The following BRAF variants were observed in gnomAD, a reference collection of about 807,000 sequenced individuals.
BRAF encodes the protein serine/threonine-protein kinase B-raf.
A neutral mutation model predicts 104.6 loss-of-function variants in BRAF; 16 were observed. That is an observed-to-expected ratio of 0.15 (90% CI 0.10 to 0.23). The LOEUF (loss-of-function observed/expected upper bound fraction) is 0.23. BRAF is among the 10% of genes least tolerant of loss of function. BRAF has a pLI of 1.00. For synonymous variants in BRAF, 310 were observed against 341.6 expected (o/e 0.91, Z 1.02); for missense variants, 541 against 937.3 (o/e 0.58, Z 5.52).
intron 19 of BRAF, chr7:140,734,335 G>T: frequency 7.6e-7 from 1 of 1,308,314 alleles, no homozygotes; most frequent in Non-Finnish European, 9.8e-7. Context: ...TACAAACCCG[G>T]AACAGAAAGT....
chr7:140,743,020 G>A lies in BRAF; in HGVS notation c.2113-3074C>T, dbSNP rs576451053. On this transcript the variant is annotated intron_variant, in intron 17 of 19. Transcript: ENST00000644969. Reference sequence around the variant, plus strand: ...GAGAAATGCAAATCAAAACCATAACGACATATCATCTCACACCAGTTAGAA... The same window carrying A: ...GAGAAATGCAAATCAAAACCATAACAACATATCATCTCACACCAGTTAGAA... 9.2e-5 allele frequency among the ~76,000 whole-genome samples: 14 copies of A among 152,308 alleles called. No individual in the cohort carries two copies. The East Asian group carries it at 1.2e-3, about 13-fold the overall frequency.
intron 8 of BRAF, among the ~76,000 whole-genome samples, chr7:140,791,794 T>C (rs1273410772): frequency 3.3e-5 from 5 of 152,200 alleles, no homozygotes; most frequent in Admixed American, 6.5e-5. Flanking sequence ...GCTAAGTATC[T>C]ATAAGCCAGA....
At chr7:140,817,515 G>T (rs779564023) in intron 3 of BRAF, among the ~76,000 whole-genome samples, 7 of 152,116 alleles carry the variant, frequency 4.6e-5, no homozygotes, top group Non-Finnish European at 7.4e-5. Flanking sequence ...AACAAAACTG[G>T]AAGAATCACA....
intron 1 of BRAF, among the ~76,000 whole-genome samples, chr7:140,873,498 G>GCTATC (rs1811850679): frequency 6.6e-6 from 1 of 152,082 alleles, no homozygotes. Context: ...TGAGGCTGCT[G>GCTATC]CCATCCCTTC....
At chr7:140,776,792 T>C (rs1426226082) in intron 14 of BRAF, 120 bp downstream of exon 13, 3 of 966,556 alleles carry the variant, frequency 3.1e-6, no homozygotes, top group Non-Finnish European at 4.9e-6. Flanking sequence ...TTAGTTAGCA[T>C]CCTTATGTTC....
chr7:140,818,742 C>A (rs553222695), intron 3 of BRAF, among the ~76,000 whole-genome samples: 8 of 152,302 alleles, frequency 5.3e-5, no homozygotes, highest in African/African-American at 1.7e-4. Flanking sequence ...ATACTATATA[C>A]AACTTATTAA....
chr7:140,763,741 A>C (rs1038945304), intron 14 of BRAF, among the ~76,000 whole-genome samples: 1 of 152,202 alleles, frequency 6.6e-6, no homozygotes, highest in Non-Finnish European at 1.5e-5. Context: ...CCCAAGACTA[A>C]ACCAGGAAGA....
chr7:140,760,816 A>G (rs1798644741), intron 14 of BRAF, among the ~76,000 whole-genome samples: 2 of 152,162 alleles, frequency 1.3e-5, no homozygotes, highest in South Asian at 4.1e-4. Flanking sequence ...GAATGAAATG[A>G]AGCGAGAAGG....
At chr7:140,768,053 T>C (rs1206804731) in intron 14 of BRAF, among the ~76,000 whole-genome samples, 2 of 151,998 alleles carry the variant, frequency 1.3e-5, no homozygotes, top group Admixed American at 6.6e-5. Context: ...TATTTAAGAG[T>C]AAAAAGGAAA....
intron 17 of BRAF, among the ~76,000 whole-genome samples, chr7:140,742,130 C>A (rs1796976359): frequency 6.6e-6 from 1 of 152,074 alleles, no homozygotes; most frequent in Non-Finnish European, 1.5e-5. Context: ...AAATTAGAGT[C>A]AAGTATCCCT....
At chr7:140,785,604 C>T (rs529359864) in intron 10 of BRAF, 265 of 396,632 alleles carry the variant, frequency 6.7e-4, no homozygotes, top group African/African-American at 4.9e-3. Context: ...TACAAACACA[C>T]GCTGTGAGGG....
rs148282498 is a variant in BRAF, at chr7:140,790,065, G to T, written c.1141-2481C>A. Among the ~76,000 whole-genome samples, 27 of 152,046 alleles carry T rather than the reference G, an allele frequency of 1.8e-4. No individual in the cohort carries two copies. The East Asian group carries it at 4.1e-3, about 23-fold the overall frequency. On this transcript the variant is annotated intron_variant, in intron 8 of 19. Coordinates refer to ENST00000644969, the MANE Select transcript of BRAF (RefSeq NM_001374258.1). ...TTAGTGCTGTGTATGATAACTATAG[G>T]ACTTGGTCACTGATAAAGCAGTCAA...
chr7:140,826,204 T>C (rs1185080655), intron 3 of BRAF, among the ~76,000 whole-genome samples: 2 of 152,236 alleles, frequency 1.3e-5, no homozygotes, highest in African/African-American at 2.4e-5. Context: ...CCTATGTAAT[T>C]TGCTGTAACT....
chr7:140,773,686 C>T (rs1283704993), intron 14 of BRAF, among the ~76,000 whole-genome samples: 1 of 152,214 alleles, frequency 6.6e-6, no homozygotes, highest in Non-Finnish European at 1.5e-5. Context: ...AACAGCTTTT[C>T]AAACAGGCCT....
In BRAF at chr7:140,723,367, C is replaced by T. The variant is rs1181566807; in HGVS notation, c.*3127G>A. The T allele has an allele frequency of 9.5e-7, 1 of 1,055,142 alleles. No individual in the cohort carries two copies. The allele number at this position is 1,055,142 out of a possible 1,614,324, so 65.4% of individuals were successfully genotyped here. A position where few individuals can be genotyped will look rare whatever the true frequency, so the allele number is the denominator to read the frequency against. On this transcript the variant is annotated 3_prime_UTR_variant, in exon 20 of 20. Transcript: ENST00000644969. Reference sequence around the variant, plus strand: ...ACTGCTCTTTCTTCTCCAACACCAACATAAATATAGCATATATCATTTGTA... The same window carrying T: ...ACTGCTCTTTCTTCTCCAACACCAATATAAATATAGCATATATCATTTGTA...
In BRAF at chr7:140,719,747, T is replaced by C. The variant is rs1795233299; in HGVS notation, c.*6747A>G. On this transcript the variant is annotated 3_prime_UTR_variant, in exon 20 of 20. Transcript: ENST00000644969. ...ATAAGCTTTAAAAATAGTTACTCCA[T>C]TGTAATTTTTGCAAAGCAGGTATAG... The C allele has an allele frequency of 9.4e-7, 1 of 1,062,252 alleles. No individual in the cohort carries two copies. The highest frequency in any genetic ancestry group is 1.6e-5 in the African/African-American group (1 of 61,018). 65.8% of individuals were successfully genotyped at this position (1,062,252 alleles called of 1,614,324 possible).
chr7:140,784,059 C>G (rs1175790232), intron 10 of BRAF, among the ~76,000 whole-genome samples: 2 of 152,062 alleles, frequency 1.3e-5, no homozygotes, highest in Non-Finnish European at 2.9e-5. Flanking sequence ...TTACTGGGGC[C>G]TGAATACAGC....
chr7:140,843,305 T>A (rs1808187205), intron 2 of BRAF, among the ~76,000 whole-genome samples: 1 of 152,212 alleles, frequency 6.6e-6, no homozygotes, highest in African/African-American at 2.4e-5. Flanking sequence ...AGGAGTTGTA[T>A]GAGGGAAAGA....
intron 1 of BRAF, among the ~76,000 whole-genome samples, chr7:140,888,468 T>C (rs1362851380): frequency 6.6e-6 from 1 of 152,022 alleles, no homozygotes; most frequent in Admixed American, 6.5e-5. Flanking sequence ...TTATTGCTGC[T>C]AGAGGGGAAA....
Sources: allele counts gnomAD v4.1 joint callset (sites outside exome capture counted in the v4.1 genomes callset), GRCh38; gene constraint gnomAD v4.1.1; transcripts MANE v1.5; gene names NCBI Gene and HGNC (gene_info 2026-07-23, HGNC 2026-07-21).